Variants in PLPPR1 observed in about 807,000 individuals in gnomAD.
PLPPR1 encodes the protein phospholipid phosphatase related 1.
PLPPR1 carries 10 observed loss-of-function variants against 33.1 expected under a neutral mutation model. The ratio of observed to expected loss-of-function variants is 0.30; its 90% CI spans 0.19 to 0.51. The LOEUF (loss-of-function observed/expected upper bound fraction) is 0.51, where lower values mean the gene tolerates loss of function less well. Among genes scored for constraint, PLPPR1 ranks in the 20% least tolerant of loss-of-function variants. The pLI, the probability that PLPPR1 is intolerant of heterozygous loss-of-function variation, is 0.97. For synonymous variants in PLPPR1, 151 were observed against 151.0 expected (o/e 1.00, Z 0.00); for missense variants, 304 against 408.1 (o/e 0.74, Z 2.20).
chr9:101,172,471 T>C (rs1208232628), intron 1 of PLPPR1, among the ~76,000 whole-genome samples: 2 of 152,106 alleles, frequency 1.3e-5, no homozygotes, highest in Admixed American at 1.3e-4. Flanking sequence ...ACACCTGATA[T>C]CTGGTGAGTT....
chr9:101,279,202 CAGTA>C (rs1458382827), intron 3 of PLPPR1, among the ~76,000 whole-genome samples: 1 of 152,102 alleles, frequency 6.6e-6, no homozygotes, highest in African/African-American at 2.4e-5. Flanking sequence ...ATGAGGAAAA[CAGTA>C]AGTGAGCACA....
intron 1 of PLPPR1, among the ~76,000 whole-genome samples, chr9:101,098,912 T>A (rs1830856447): frequency 6.6e-6 from 1 of 152,114 alleles, no homozygotes. Flanking sequence ...TTCTCTTTTG[T>A]CTATAGATGA....
At chr9:101,109,678 C>G (rs907862875) in intron 1 of PLPPR1, among the ~76,000 whole-genome samples, 6 of 152,166 alleles carry the variant, frequency 3.9e-5, no homozygotes, top group Admixed American at 3.9e-4. Flanking sequence ...TTAGCATTCC[C>G]ATGGCAAGAT....
chr9:101,089,288 T>TATAGATAGATAG (rs60312729), intron 1 of PLPPR1, among the ~76,000 whole-genome samples: 161 of 150,256 alleles, frequency 1.1e-3, no homozygotes, highest in South Asian at 2.1e-3. Context: ...AAAGCTAGAA[T>TATAGATAGATAG]ATAGATAGAT....
At chr9:101,054,816 G>C (rs761605543) in intron 1 of PLPPR1, among the ~76,000 whole-genome samples, 7 of 152,170 alleles carry the variant, frequency 4.6e-5, no homozygotes, top group Non-Finnish European at 1.0e-4. Context: ...TGCATTTGCT[G>C]TGTCAGCCAA....
At chr9:101,049,993 C>T (rs554730258) in intron 1 of PLPPR1, among the ~76,000 whole-genome samples, 3 of 151,578 alleles carry the variant, frequency 2.0e-5, no homozygotes, top group South Asian at 2.1e-4. Flanking sequence ...GGTGTGGTGG[C>T]GTGCGCCTGT....
chr9:101,189,375 C>A (rs1295807398), intron 2 of PLPPR1, among the ~76,000 whole-genome samples: 1 of 152,046 alleles, frequency 6.6e-6, no homozygotes, highest in Non-Finnish European at 1.5e-5. Flanking sequence ...GATGAAGCCT[C>A]CAGGTAGCAG....
At chr9:101,207,129 T>C (rs950673596) in intron 2 of PLPPR1, among the ~76,000 whole-genome samples, 21 of 152,358 alleles carry the variant, frequency 1.4e-4, no homozygotes, top group African/African-American at 5.1e-4. Flanking sequence ...ATTGTGTGTA[T>C]ATATCTTTCA....
At chr9:101,248,044 C>G (rs1827646463) in intron 2 of PLPPR1, among the ~76,000 whole-genome samples, 2 of 152,032 alleles carry the variant, frequency 1.3e-5, no homozygotes, top group Non-Finnish European at 2.9e-5. Flanking sequence ...TTTTAAGGAT[C>G]TACTTCTGGA....
At chr9:101,244,048 A>C (rs1437658777) in intron 2 of PLPPR1, among the ~76,000 whole-genome samples, 2 of 151,970 alleles carry the variant, frequency 1.3e-5, no homozygotes, top group Non-Finnish European at 2.9e-5. Context: ...AAGGGAGGTT[A>C]GGGCAGAGAT....
intron 1 of PLPPR1, among the ~76,000 whole-genome samples, chr9:101,171,299 T>C (rs4342669): frequency 0.15 from 22,748 of 152,128 alleles, 1,865 homozygotes; most frequent in Non-Finnish European, 0.18. Flanking sequence ...GTGGGAGCCC[T>C]GAGGAAACCT....
At chr9:101,048,323 G>A in intron 1 of PLPPR1, among the ~76,000 whole-genome samples, 1 of 152,262 alleles carries the variant, frequency 6.6e-6, no homozygotes, top group Admixed American at 6.5e-5. Context: ...AAGACAAAAG[G>A]CATAGACATA....
At chr9:101,074,044 A>G (rs1407080452) in intron 1 of PLPPR1, among the ~76,000 whole-genome samples, 7 of 152,180 alleles carry the variant, frequency 4.6e-5, no homozygotes. Context: ...CGCATGAAAC[A>G]AAGTATGACT....
At chr9:101,200,700 TCCTA>T (rs1826477010) in intron 2 of PLPPR1, among the ~76,000 whole-genome samples, 1 of 152,222 alleles carries the variant, frequency 6.6e-6, no homozygotes, top group Non-Finnish European at 1.5e-5. Context: ...GGGTTCCACA[TCCTA>T]CCCAACCAAC....
At chr9:101,211,305 C>A (rs1826687190) in intron 2 of PLPPR1, among the ~76,000 whole-genome samples, 1 of 152,206 alleles carries the variant, frequency 6.6e-6, no homozygotes, top group South Asian at 2.1e-4. Flanking sequence ...CATCATCAAA[C>A]AAGGCTATTC....
intron 2 of PLPPR1, among the ~76,000 whole-genome samples, chr9:101,232,534 T>A (rs118119114): frequency 0.035 from 5,376 of 151,556 alleles, 131 homozygotes; most frequent in South Asian, 0.1. Context: ...GGTTAAAGAG[T>A]AACAAGCAAT....
Position 101,237,368 on chromosome 9 carries a change from G to A in PLPPR1, c.64-32512G>A, listed in dbSNP as rs112994178. On this transcript the variant is annotated intron_variant, in intron 2 of 7. Coordinates refer to ENST00000374874, the MANE Select transcript of PLPPR1 (RefSeq NM_207299.2). ...TCATCACATAAAAAAAGATACCTGC[G>A]CTGTTATATTTATCACAGTACTATT... is the stretch of plus-strand genomic sequence containing the variant. Among the ~76,000 whole-genome samples, 1,144 of 151,278 alleles carry A rather than the reference G, an allele frequency of 7.6e-3. 12 individuals are homozygous for A. The highest frequency in any genetic ancestry group is 0.025 in the African/African-American group (1,047 of 41,360).
chr9:101,294,067 AAAG>A (rs1483341478), intron 4 of PLPPR1, among the ~76,000 whole-genome samples: 1 of 152,210 alleles, frequency 6.6e-6, no homozygotes, highest in Non-Finnish European at 1.5e-5. Context: ...CAAGACTAAT[AAAG>A]AAGAAAAGAG....
At chr9:101,238,187 CTATA>C (rs1316697261) in intron 2 of PLPPR1, among the ~76,000 whole-genome samples, 1 of 134,248 alleles carries the variant, frequency 7.4e-6, no homozygotes, top group Non-Finnish European at 1.6e-5. Context: ...TATATATGCC[CTATA>C]TATATACCCT....
Sources: gnomAD v4.1 joint callset for allele counts (sites outside exome capture counted in the v4.1 genomes callset) on GRCh38, gnomAD v4.1.1 for gene constraint, MANE v1.5 for transcripts, NCBI Gene and HGNC (gene_info 2026-07-23, HGNC 2026-07-21) for gene names.